PRRG4: variants seen among roughly 807,000 people sequenced by gnomAD.
The protein encoded by PRRG4 is transmembrane gamma-carboxyglutamic acid protein 4.
In PRRG4, 12 loss-of-function variants were observed where a neutral mutation model predicts 20.0. The ratio of observed to expected loss-of-function variants is 0.60; its 90% CI spans 0.38 to 0.97. The LOEUF (loss-of-function observed/expected upper bound fraction) is 0.97. Among genes scored for constraint, PRRG4 ranks in the 50% least tolerant of loss-of-function variants. PRRG4 has a pLI of 0.00. For missense variants in PRRG4, 199 were observed against 265.1 expected (o/e 0.75, Z 1.73); for synonymous variants, 94 against 96.4 (o/e 0.98, Z 0.15).
chr11:32,845,154 C>G (rs1045319634), intron 5 of PRRG4, among the ~76,000 whole-genome samples: 4 of 152,030 alleles, frequency 2.6e-5, no homozygotes, highest in Admixed American at 6.6e-5. Context: ...AACCATCTTC[C>G]ACATCACCTG....
chr11:32,850,463 A>T (rs1051931860), intron 5 of PRRG4, among the ~76,000 whole-genome samples: 7 of 152,228 alleles, frequency 4.6e-5, no homozygotes, highest in Non-Finnish European at 1.0e-4. Context: ...TATACTTAAC[A>T]TTAGCACAGT....
chr11:32,841,622 A>G (rs1332045142), intron 5 of PRRG4, among the ~76,000 whole-genome samples: 1 of 152,112 alleles, frequency 6.6e-6, no homozygotes, highest in Non-Finnish European at 1.5e-5. Flanking sequence ...CCTGGGCCAC[A>G]TAGTGAGACT....
At chr11:32,831,513 CA>C (rs1433056427) in intron 2 of PRRG4, among the ~76,000 whole-genome samples, 4 of 152,126 alleles carry the variant, frequency 2.6e-5, no homozygotes, top group African/African-American at 9.7e-5. Context: ...TCCATTAACC[CA>C]AAGGCGTGAA....
chr11:32,856,633 T>C lies in PRRG4; in HGVS notation c.*3106T>C, dbSNP rs1851229125. On this transcript the variant is annotated 3_prime_UTR_variant, in exon 6 of 6. Transcript: ENST00000257836. ...AAATCTATTTTGACACAAGGTTTTA[T>C]ATATAATTAGATCAGTTTTCCACTT... is the stretch of plus-strand genomic sequence containing the variant. 6.6e-6 allele frequency: 1 copy of C among 152,202 alleles called. No homozygotes were observed. The highest frequency in any genetic ancestry group is 6.5e-5 in the Admixed American group (1 of 15,276). 9.4% of individuals were successfully genotyped at this position (152,202 alleles called of 1,614,324 possible). A position where few individuals can be genotyped will look rare whatever the true frequency, so the allele number is the denominator to read the frequency against.
chr11:32,832,505 G>C (rs1417285483), intron 2 of PRRG4, among the ~76,000 whole-genome samples: 2 of 99,088 alleles, frequency 2.0e-5, no homozygotes, highest in African/African-American at 7.7e-5. Context: ...TTTTCAGACA[G>C]AGTCTCGCTC....
intron 5 of PRRG4, among the ~76,000 whole-genome samples, chr11:32,851,420 C>G (rs1351283435): frequency 6.6e-6 from 1 of 152,166 alleles, no homozygotes; most frequent in East Asian, 1.9e-4. Flanking sequence ...GACTGCCTAC[C>G]ATGAATACAT....
In PRRG4 at chr11:32,853,572, C is replaced by T; in HGVS notation, c.*45C>T. Reference sequence around the variant, plus strand: ...TAAGAAATTTGTGTTATTTGATAGGCCGGGCATGGTGGCTCATGCCTGTAA... The same window carrying T: ...TAAGAAATTTGTGTTATTTGATAGGTCGGGCATGGTGGCTCATGCCTGTAA... On this transcript the variant is annotated 3_prime_UTR_variant, in exon 6 of 6. Transcript: ENST00000257836. 6.7e-7 allele frequency: 1 copy of T among 1,491,572 alleles called. No individual in the cohort carries two copies. Among genetic ancestry groups the T allele is most frequent in the Non-Finnish European group, 9.3e-7 (1 of 1,080,000 alleles). The allele number at this position is 1,491,572 out of a possible 1,614,324, so 92.4% of individuals were successfully genotyped here.
chr11:32,846,891 G>A (rs549609562), intron 5 of PRRG4, among the ~76,000 whole-genome samples: 6 of 151,982 alleles, frequency 3.9e-5, no homozygotes, highest in Non-Finnish European at 5.9e-5. Flanking sequence ...CCAGCTACTC[G>A]GGAGGCTGAG....
At chr11:32,848,575 T>C (rs1851151307) in intron 5 of PRRG4, among the ~76,000 whole-genome samples, 1 of 151,408 alleles carries the variant, frequency 6.6e-6, no homozygotes, top group South Asian at 2.1e-4. Flanking sequence ...ATATATTATA[T>C]GTAATGTTAT....
rs952986746 is a variant in PRRG4, at chr11:32,835,320, C to T, written c.104-1338C>T. Reference sequence around the variant, plus strand: ...ATGAGTTTTCCAGACCATGATCTCTCATGAACAGTCTTTCAATTGCCTACT... The same window carrying T: ...ATGAGTTTTCCAGACCATGATCTCTTATGAACAGTCTTTCAATTGCCTACT... On this transcript the variant is annotated intron_variant, in intron 2 of 5. Transcript: ENST00000257836. Among the ~76,000 whole-genome samples the T allele has an allele frequency of 2.6e-5, 4 of 152,226 alleles. No homozygotes were observed. In the East Asian group the frequency reaches 7.7e-4, roughly 29 times the overall value.
At chr11:32,835,834 T>C (rs998981987) in intron 2 of PRRG4, among the ~76,000 whole-genome samples, 2 of 152,212 alleles carry the variant, frequency 1.3e-5, no homozygotes, top group African/African-American at 2.4e-5. Context: ...CCAGGCACGG[T>C]GGCTTACACC....
At chr11:32,852,179 T>G (rs746323446) in intron 5 of PRRG4, among the ~76,000 whole-genome samples, 2 of 152,052 alleles carry the variant, frequency 1.3e-5, no homozygotes, top group Non-Finnish European at 2.9e-5. Flanking sequence ...ACGATACTAG[T>G]GAAAGCACAG....
chr11:32,830,720 C>A (rs1346612857), intron 2 of PRRG4, 88 bp downstream of exon 2: 61 of 1,585,134 alleles, frequency 3.8e-5, no homozygotes, highest in Non-Finnish European at 3.4e-6. Context: ...ATACCCCCAG[C>A]AATCATAGAA....
intron 5 of PRRG4, among the ~76,000 whole-genome samples, chr11:32,846,191 G>T (rs535737328): frequency 6.6e-6 from 1 of 152,100 alleles, no homozygotes; most frequent in South Asian, 2.1e-4. Context: ...AATAATAATT[G>T]TAGAGACAGG....
intron 5 of PRRG4, among the ~76,000 whole-genome samples, chr11:32,841,463 G>A (rs1340361841): frequency 6.6e-6 from 1 of 152,156 alleles, no homozygotes; most frequent in East Asian, 1.9e-4. Flanking sequence ...AATGCAATGT[G>A]TGATCCTGGA....
At chr11:32,844,303 G>T (rs747210021) in intron 5 of PRRG4, among the ~76,000 whole-genome samples, 3 of 151,934 alleles carry the variant, frequency 2.0e-5, no homozygotes, top group Non-Finnish European at 4.4e-5. Flanking sequence ...CCATTCACAT[G>T]GGCTACTGTA....
rs1466571775 is a variant in PRRG4 at position 32,856,781 on chromosome 11, T to C, written c.*3254T>C. On this transcript the variant is annotated 3_prime_UTR_variant, in exon 6 of 6. Coordinates refer to ENST00000257836, the MANE Select transcript of PRRG4 (RefSeq NM_024081.6). The stretch of plus-strand genomic sequence containing the variant: ...ACAATTCCATATAGAATATTCTCTT[T>C]TGATAATGAAAAAAATTAAAGAGAG... 1 of 152,202 alleles carries C rather than the reference T, an allele frequency of 6.6e-6. No individual in the cohort carries two copies. The highest frequency in any genetic ancestry group is 1.9e-4 in the East Asian group (1 of 5,200). 9.4% of individuals were successfully genotyped at this position (152,202 alleles called of 1,614,324 possible).
Position 32,840,044 on chromosome 11 carries a change from T to C in PRRG4, c.317-63T>C. 4 of 1,246,256 alleles carry C rather than the reference T, an allele frequency of 3.2e-6. 1 individual carries two copies. The South Asian group carries it at 3.9e-5, about 12-fold the overall frequency. The allele number at this position is 1,246,256 out of a possible 1,614,324, so 77.2% of individuals were successfully genotyped here. ...GTGTTTAGAACCAGGATTAAATTTG[T>C]TGAAATCATAGGTGATGCTATATAG... On this transcript the variant is annotated intron_variant, in intron 4 of 5. Coordinates refer to ENST00000257836, the MANE Select transcript of PRRG4 (RefSeq NM_024081.6). The surrounding 1 kb of genome is among the most constrained non-coding windows in gnomAD (Gnocchi z 4.1).
At position 32,853,763 on chromosome 11, in the gene PRRG4, G is replaced by A; in HGVS notation, c.*236G>A. ...GAATTGCTCGAACCTGGGAGGCAGA[G>A]GTTGCAGTAAGCTGAGATCACGCCA... On this transcript the variant is annotated 3_prime_UTR_variant, in exon 6 of 6. Coordinates refer to ENST00000257836, the MANE Select transcript of PRRG4 (RefSeq NM_024081.6). 4.5e-6 allele frequency: 2 copies of A among 445,860 alleles called. No individual in the cohort carries two copies. The highest frequency in any genetic ancestry group is 8.2e-6 in the Non-Finnish European group (2 of 242,674). The allele number at this position is 445,860 out of a possible 1,614,324, so 27.6% of individuals were successfully genotyped here.
Sources: gnomAD v4.1 joint callset for allele counts (sites outside exome capture counted in the v4.1 genomes callset) on GRCh38, gnomAD v4.1.1 for gene constraint, Gnocchi (gnomAD v3.1) non-coding constraint, MANE v1.5 for transcripts, NCBI Gene and HGNC (gene_info 2026-07-23, HGNC 2026-07-21) for gene names.